Variants in ASCC2 observed in about 807,000 individuals in gnomAD.
The protein encoded by ASCC2 is ASC-1 complex subunit P100.
ASCC2 carries 42 observed loss-of-function variants against 93.5 expected under a neutral mutation model. The ratio of observed to expected loss-of-function variants is 0.45; its 90% CI spans 0.35 to 0.58. The LOEUF is 0.58. Among genes scored for constraint, ASCC2 ranks in the 20% least tolerant of loss-of-function variants. The probability of loss-of-function intolerance (pLI) is 0.00; values close to 1 mark genes in which losing one functional copy is unlikely to be tolerated. For missense variants in ASCC2, 859 were observed against 977.6 expected, an observed-to-expected ratio of 0.88 and a Z score of 1.62; for synonymous variants, 364 against 384.2, an observed-to-expected ratio of 0.95 and a Z score of 0.62.
chr22:29,806,110 G>T, intron 12 of ASCC2, 106 bp downstream of exon 12: 1 of 1,292,110 alleles, frequency 7.7e-7, no homozygotes, highest in Non-Finnish European at 1.1e-6. Context: ...TGACCCATGC[G>T]TTCTGGGGCT....
At chr22:29,824,961 A>G (rs1222670558) in intron 4 of ASCC2, 126 bp downstream of exon 4, 5 of 956,278 alleles carry the variant, frequency 5.2e-6, no homozygotes, top group Middle Eastern at 3.0e-4. Context: ...CAACAGTGGG[A>G]ATAAAGATGG....
At chr22:29,824,532 T>C (rs1424125202) in intron 4 of ASCC2, among the ~76,000 whole-genome samples, 2 of 152,040 alleles carry the variant, frequency 1.3e-5, no homozygotes, top group African/African-American at 2.4e-5. Flanking sequence ...GGAGGATCAC[T>C]TGAGCCTGGG....
At chr22:29,820,441 C>T (rs1202007226) in intron 5 of ASCC2, among the ~76,000 whole-genome samples, 1 of 151,632 alleles carries the variant, frequency 6.6e-6, no homozygotes, top group East Asian at 2.0e-4. Flanking sequence ...GGGTTACAGG[C>T]GTGAGCCACC....
intron 2 of ASCC2, among the ~76,000 whole-genome samples, chr22:29,831,640 T>C (rs1267386807): frequency 6.6e-6 from 1 of 152,140 alleles, no homozygotes; most frequent in African/African-American, 2.4e-5. Context: ...AAACAACAAG[T>C]GGGTATAGGA....
At chr22:29,809,940 T>C (rs1052542725) in intron 8 of ASCC2, 25 of 152,270 alleles carry the variant, frequency 1.6e-4, no homozygotes, top group African/African-American at 6.0e-4. Context: ...TACATCCATA[T>C]CTGTCACGGT....
Position 29,825,715 on chromosome 22 carries a change from G to A in ASCC2, c.147C>T (p.Pro49=), listed in dbSNP as rs369460402. 73 of 1,614,080 alleles carry A rather than the reference G, an allele frequency of 4.5e-5. No homozygotes were observed. The highest frequency in any genetic ancestry group is 2.6e-4 in the South Asian group (24 of 91,094). The change falls in exon 3 of 20, where the codon CCC becomes CCT. Residue 49 remains proline, a synonymous_variant. Coordinates refer to ENST00000307790, the MANE Select transcript of ASCC2 (RefSeq NM_032204.5). The surrounding 1 kb of genome is among the most constrained non-coding windows in gnomAD (Gnocchi z 4.9). ...GTTCCAGGTACTCCTCCACTAGGGC[G>A]GGAATGTTGTCTTTAGGGGGCGGTT... ...LYKPPPKDNI[P]ALVEEYLERA...
At chr22:29,821,830 TA>T (rs796106520) in intron 5 of ASCC2, 231 of 346,032 alleles carry the variant, frequency 6.7e-4, no homozygotes, top group East Asian at 1.8e-3. Flanking sequence ...CCCCATCTAC[TA>T]AAAAAAATTT....
rs1003383608 is a variant in ASCC2 at position 29,800,991 on chromosome 22, C to T, written c.1688G>A (p.Ser563Asn). The T allele has an allele frequency of 1.9e-6, 3 of 1,592,960 alleles. No homozygotes were observed. The highest frequency in any genetic ancestry group is 2.7e-5 in the African/African-American group (2 of 74,514). ...GAACCCCATGGCCCACTGCACTCAC[C>T]TCTTGCCCTTGTGCACCCGGCTCAG... ...VDLSRVHKGK[S>N]TRKEENTRSL... is the part of the protein sequence containing the mutation. Residue 563 changes from serine to asparagine, a missense_variant and splice_region_variant, in exon 15 of 20, where the codon AGC becomes AAC. By Grantham distance (46) the Ser-to-Asn change is conservative (BLOSUM62 1). Coordinates refer to ENST00000307790, the MANE Select transcript of ASCC2 (RefSeq NM_032204.5).
chr22:29,824,024 C>T (rs2061951794), intron 4 of ASCC2, among the ~76,000 whole-genome samples: 1 of 151,916 alleles, frequency 6.6e-6, no homozygotes, highest in South Asian at 2.1e-4. Flanking sequence ...GATGCCCTCT[C>T]TCCAAAAACA....
chr22:29,822,603 T>G (rs1487503445), intron 4 of ASCC2, 139 bp from the exon 5 acceptor site: 7 of 912,220 alleles, frequency 7.7e-6, no homozygotes, highest in Admixed American at 5.8e-5. Context: ...CCTGGAGCAA[T>G]GGCCATTCTC....
intron 1 of ASCC2, among the ~76,000 whole-genome samples, chr22:29,837,272 A>G (rs1222598439): frequency 6.6e-6 from 1 of 151,898 alleles, no homozygotes; most frequent in Non-Finnish European, 1.5e-5. Flanking sequence ...CTACCGAAAA[A>G]AAAAAAAAAA....
chr22:29,790,439 C>A lies in ASCC2; in HGVS notation c.2102+30G>T, dbSNP rs773265974. On this transcript the variant is annotated intron_variant, in intron 19 of 19. Coordinates refer to ENST00000307790, the MANE Select transcript of ASCC2 (RefSeq NM_032204.5). ...GCCCTCCCCAGATGGTGGGAGGGGT[C>A]CCCCCAGAAGCAGCCCCTTGAATGC... 2.5e-6 allele frequency: 4 copies of A among 1,611,892 alleles called. No individual in the cohort carries two copies. The Admixed American group carries it at 5.0e-5, about 20-fold the overall frequency.
At position 29,825,279 on chromosome 22, in the gene ASCC2, A is replaced by T; in HGVS notation, c.241-22T>A. 6.6e-7 allele frequency: 1 copy of T among 1,507,962 alleles called. No homozygotes were observed. Among genetic ancestry groups the T allele is most frequent in the Non-Finnish European group, 8.9e-7 (1 of 1,129,128 alleles). The allele number at this position is 1,507,962 out of a possible 1,614,324, so 93.4% of individuals were successfully genotyped here. ...TCACCTAAACCAGGAGACAGAGGAG[A>T]GCGAGGATTTATCCCTTAGGCCCCA... On this transcript the variant is annotated intron_variant, in intron 3 of 19. Transcript: ENST00000307790. The surrounding 1 kb of genome is among the most constrained non-coding windows in gnomAD (Gnocchi z 4.9).
intron 1 of ASCC2, among the ~76,000 whole-genome samples, chr22:29,837,144 G>A (rs2063898254): frequency 1.3e-5 from 2 of 152,070 alleles, no homozygotes; most frequent in African/African-American, 4.8e-5. Flanking sequence ...AAATTAAGTA[G>A]GCAGGGCTGG....
Position 29,820,893 on chromosome 22 carries a change from C to T in ASCC2, c.541+1442G>A, listed in dbSNP as rs1369673856. ...TGCACTCTAGCCTGGGCAACAAGAG[C>T]GAAACTCCATCTCAATACACAAAAA... On this transcript the variant is annotated intron_variant, in intron 5 of 19. Coordinates refer to ENST00000307790, the MANE Select transcript of ASCC2 (RefSeq NM_032204.5). 3.9e-5 allele frequency among the ~76,000 whole-genome samples: 5 copies of T among 128,554 alleles called. No individual in the cohort carries two copies. In the South Asian group the frequency reaches 7.1e-4, roughly 18 times the overall value. 84.3% of individuals were successfully genotyped at this position (128,554 alleles called of 152,430 possible).
At chr22:29,806,369 G>A in intron 11 of ASCC2, 79 bp from the exon 12 acceptor site, 3 of 1,577,326 alleles carry the variant, frequency 1.9e-6, no homozygotes, top group Non-Finnish European at 2.6e-6. Context: ...CACTCCCTGT[G>A]TTTGCAGCCC....
chr22:29,804,307 G>A (rs905675195), intron 13 of ASCC2, among the ~76,000 whole-genome samples: 17 of 152,214 alleles, frequency 1.1e-4, no homozygotes, highest in African/African-American at 3.4e-4. Context: ...AACCAAAGGA[G>A]CTCCACTTTT....
intron 5 of ASCC2, among the ~76,000 whole-genome samples, chr22:29,821,337 C>T (rs956121923): frequency 6.6e-6 from 1 of 152,236 alleles, no homozygotes; most frequent in Non-Finnish European, 1.5e-5. Flanking sequence ...CAATGCAAAT[C>T]ATGACATTTT....
At chr22:29,805,110 G>A (rs1398049377) in intron 12 of ASCC2, among the ~76,000 whole-genome samples, 4 of 152,192 alleles carry the variant, frequency 2.6e-5, no homozygotes, top group East Asian at 1.9e-4. Flanking sequence ...AGGTATGGAC[G>A]AGCCAGCAGC....
Sources: gnomAD v4.1 joint callset for allele counts (sites outside exome capture counted in the v4.1 genomes callset) on GRCh38, gnomAD v4.1.1 for gene constraint, Gnocchi (gnomAD v3.1) non-coding constraint, MANE v1.5 for transcripts, NCBI Gene and HGNC (gene_info 2026-07-23, HGNC 2026-07-21) for gene names.